Variants in MAP2K1 observed in about 807,000 individuals in gnomAD.
The protein encoded by MAP2K1 is mitogen-activated protein kinase kinase 1.
A neutral mutation model predicts 46.3 loss-of-function variants in MAP2K1; 16 were observed. That is an observed-to-expected ratio of 0.35 (90% CI 0.23 to 0.52). The LOEUF is 0.52. Ranked by LOEUF, MAP2K1 falls within the 20% of genes least tolerant of loss-of-function variation. The pLI is 0.94. For missense variants in MAP2K1, 263 were observed against 497.1 expected (o/e 0.53, Z 4.48); for synonymous variants, 183 against 185.6 (o/e 0.99, Z 0.11).
intron 1 of MAP2K1, among the ~76,000 whole-genome samples, chr15:66,421,101 C>A (rs1465448866): frequency 2.5e-5 from 1 of 40,700 alleles, no homozygotes; most frequent in Non-Finnish European, 4.9e-5. Flanking sequence ...CATACACACA[C>A]ACACACACAC....
At chr15:66,444,584 G>GT (rs1891812670) in intron 4 of MAP2K1, 72 bp from the exon 5 acceptor site, 2 of 1,093,174 alleles carry the variant, frequency 1.8e-6, no homozygotes, top group East Asian at 4.7e-5. Context: ...TTTTCCTAGA[G>GT]TATTTTAAAA....
intron 1 of MAP2K1, among the ~76,000 whole-genome samples, chr15:66,426,601 G>A (rs1348541720): frequency 1.3e-5 from 2 of 152,134 alleles, no homozygotes. Flanking sequence ...GTGTGGGAAA[G>A]GACATTGGCA....
chr15:66,403,952 T>TA (rs921175923), intron 1 of MAP2K1, among the ~76,000 whole-genome samples: 2 of 152,208 alleles, frequency 1.3e-5, no homozygotes, highest in African/African-American at 4.8e-5. Flanking sequence ...AAGCTCACTG[T>TA]AAACCTTTTG....
chr15:66,464,036 G>T (rs1892398235), intron 5 of MAP2K1, among the ~76,000 whole-genome samples: 1 of 152,212 alleles, frequency 6.6e-6, no homozygotes, highest in African/African-American at 2.4e-5. Flanking sequence ...ACAGTTCTCA[G>T]CTTGACTTTT....
chr15:66,476,467 T>G (rs548654042), intron 5 of MAP2K1, among the ~76,000 whole-genome samples: 36 of 152,226 alleles, frequency 2.4e-4, no homozygotes, highest in African/African-American at 8.2e-4. Flanking sequence ...GAACTAGGCA[T>G]CTAGGAGTAG....
chr15:66,472,518 T>C (rs1892662271), intron 5 of MAP2K1, among the ~76,000 whole-genome samples: 1 of 151,948 alleles, frequency 6.6e-6, no homozygotes, highest in Non-Finnish European at 1.5e-5. Flanking sequence ...ACCTATGAGA[T>C]CACCGTGGCC....
intron 1 of MAP2K1, among the ~76,000 whole-genome samples, chr15:66,425,342 C>T (rs537292575): frequency 4.6e-5 from 7 of 152,262 alleles, no homozygotes; most frequent in African/African-American, 7.2e-5. Flanking sequence ...TACAGTTATT[C>T]GTTTGCATGG....
intron 1 of MAP2K1, among the ~76,000 whole-genome samples, chr15:66,420,922 CATATAT>C (rs201021234): frequency 7.8e-6 from 1 of 128,238 alleles, no homozygotes. Flanking sequence ...CACATACATA[CATATAT>C]ATACACACAT....
intron 5 of MAP2K1, among the ~76,000 whole-genome samples, chr15:66,469,472 C>CT (rs370379739): frequency 0.077 from 5,925 of 76,480 alleles, 1,072 homozygotes; most frequent in African/African-American, 0.14. Flanking sequence ...CTGGTGCCTC[C>CT]TTTTTTTTTT....
At chr15:66,436,667 A>G (rs542046069) in intron 2 of MAP2K1, 79 bp from the exon 3 acceptor site, 187 of 1,391,338 alleles carry the variant, frequency 1.3e-4, no homozygotes, top group Middle Eastern at 4.6e-4. Flanking sequence ...AAGAGCTTAA[A>G]CATTTAACAA....
chr15:66,419,559 C>T (rs1025144075), intron 1 of MAP2K1, among the ~76,000 whole-genome samples: 2 of 151,914 alleles, frequency 1.3e-5, no homozygotes, highest in African/African-American at 2.4e-5. Context: ...ATATGAAACA[C>T]ATTTTATATA....
At chr15:66,413,615 A>G (rs1035103464) in intron 1 of MAP2K1, among the ~76,000 whole-genome samples, 3 of 87,824 alleles carry the variant, frequency 3.4e-5, no homozygotes, top group African/African-American at 1.3e-4. Flanking sequence ...CCATTTCTGT[A>G]TTGTAGGCAT....
chr15:66,433,311 A>AGTCCAAGTAGCT (rs1204089819), intron 1 of MAP2K1, among the ~76,000 whole-genome samples: 1 of 152,202 alleles, frequency 6.6e-6, no homozygotes, highest in East Asian at 1.9e-4. Flanking sequence ...ATAACATATC[A>AGTCCAAGTAGCT]TAGACTAAGT....
chr15:66,480,792 A>T (rs899635255), intron 5 of MAP2K1, among the ~76,000 whole-genome samples: 3 of 152,066 alleles, frequency 2.0e-5, no homozygotes, highest in African/African-American at 7.2e-5. Flanking sequence ...CTGCCCTCAA[A>T]GTGAGTGTCA....
At chr15:66,467,806 C>T (rs1359884088) in intron 5 of MAP2K1, among the ~76,000 whole-genome samples, 3 of 152,240 alleles carry the variant, frequency 2.0e-5, no homozygotes, top group Non-Finnish European at 4.4e-5. Context: ...AGTGATCTGC[C>T]TGCCTTGGCC....
intron 5 of MAP2K1, among the ~76,000 whole-genome samples, chr15:66,478,211 T>TA (rs1213056066): frequency 1.3e-5 from 2 of 150,280 alleles, no homozygotes; most frequent in Non-Finnish European, 3.0e-5. Context: ...AGTACCCCCT[T>TA]ACTCTCTCTG....
chr15:66,422,112 C>T (rs1292041437), intron 1 of MAP2K1, among the ~76,000 whole-genome samples: 2 of 152,046 alleles, frequency 1.3e-5, no homozygotes, highest in African/African-American at 4.8e-5. Flanking sequence ...GTGCATTTTC[C>T]CCAGATTATT....
chr15:66,471,993 G>T (rs149908385), intron 5 of MAP2K1, among the ~76,000 whole-genome samples: 158 of 148,288 alleles, frequency 1.1e-3, no homozygotes, highest in Middle Eastern at 3.5e-3. Flanking sequence ...AGGAGAATCG[G>T]TTGAACCGGG....
At chr15:66,469,470 TC>T (rs1373014241) in intron 5 of MAP2K1, among the ~76,000 whole-genome samples, 1 of 110,470 alleles carries the variant, frequency 9.1e-6, no homozygotes, top group Non-Finnish European at 1.8e-5. Context: ...GTCTGGTGCC[TC>T]CTTTTTTTTT....
Sources: allele counts gnomAD v4.1 joint callset (sites outside exome capture counted in the v4.1 genomes callset), GRCh38; gene constraint gnomAD v4.1.1; transcripts MANE v1.5; gene names NCBI Gene and HGNC (gene_info 2026-07-23, HGNC 2026-07-21).